Variants in MNAT1 observed in about 807,000 individuals in gnomAD.
MNAT1 encodes CDK-activating kinase assembly factor MAT1.
A neutral mutation model predicts 42.0 loss-of-function variants in MNAT1; 43 were observed. The ratio of observed to expected loss-of-function variants is 1.02; its 90% CI spans 0.80 to 1.32. The LOEUF (loss-of-function observed/expected upper bound fraction) is 1.32. Ranked by LOEUF, MNAT1 falls within the 40% of genes most tolerant of loss-of-function variation. The pLI is 0.00. For missense variants in MNAT1, 306 were observed against 350.4 expected (o/e 0.87, Z 1.01); for synonymous variants, 118 against 120.0 (o/e 0.98, Z 0.11).
At chr14:60,849,917 A>G (rs942294884) in intron 6 of MNAT1, among the ~76,000 whole-genome samples, 2 of 151,688 alleles carry the variant, frequency 1.3e-5, no homozygotes, top group African/African-American at 2.4e-5. Context: ...GCTCACTGCA[A>G]CCTCCCCATC....
chr14:60,802,058 G>T lies in MNAT1; in HGVS notation c.316+3898G>T, dbSNP rs534730856. On this transcript the variant is annotated intron_variant, in intron 3 of 7. Transcript: ENST00000261245. ...ATATGGCATGGTCTCACTTATATCT[G>T]GAATCTAAAAAAGTTGAACTTAGAG... 8.6e-4 allele frequency among the ~76,000 whole-genome samples: 131 copies of T among 152,244 alleles called. 1 individual carries two copies. The highest frequency in any genetic ancestry group is 3.1e-3 in the African/African-American group (127 of 41,548).
chr14:60,964,874 C>G (rs913272500), intron 7 of MNAT1, among the ~76,000 whole-genome samples: 14 of 152,108 alleles, frequency 9.2e-5, no homozygotes, highest in Admixed American at 3.3e-4. Context: ...TTCAATGTGG[C>G]AGATTCTTTA....
intron 3 of MNAT1, among the ~76,000 whole-genome samples, chr14:60,805,957 G>A (rs1396106246): frequency 2.6e-5 from 4 of 152,184 alleles, no homozygotes; most frequent in Non-Finnish European, 5.9e-5. Flanking sequence ...CTAGGAAGCT[G>A]TCTTCCAAAG....
Position 60,780,262 on chromosome 14 carries a change from G to A in MNAT1, c.90-15955G>A, listed in dbSNP as rs2031409643. ...TTATCTCAAATATTGAAAGTGGTGAGGTCCTGGAAAGATGACAGTTTGATA... is the reference window on the plus strand; with the variant it reads ...TTATCTCAAATATTGAAAGTGGTGAAGTCCTGGAAAGATGACAGTTTGATA... On this transcript the variant is annotated intron_variant, in intron 1 of 7. Transcript: ENST00000261245. 2.1e-6 allele frequency: 3 copies of A among 1,436,872 alleles called. No individual in the cohort carries two copies. In the African/African-American group the frequency reaches 4.2e-5, roughly 20 times the overall value. 89.0% of individuals were successfully genotyped at this position (1,436,872 alleles called of 1,614,324 possible).
At chr14:60,821,615 G>T (rs1226346632) in intron 6 of MNAT1, among the ~76,000 whole-genome samples, 2 of 152,146 alleles carry the variant, frequency 1.3e-5, no homozygotes, top group African/African-American at 4.8e-5. Flanking sequence ...GATCAAGTGT[G>T]ATTTTCATGA....
intron 7 of MNAT1, among the ~76,000 whole-genome samples, chr14:60,957,823 A>C (rs1404652663): frequency 6.6e-6 from 1 of 151,862 alleles, no homozygotes; most frequent in African/African-American, 2.4e-5. Flanking sequence ...TACCTTTGTC[A>C]GTGAGTTTTA....
At chr14:60,920,786 T>A (rs192792148) in intron 7 of MNAT1, among the ~76,000 whole-genome samples, 278 of 152,280 alleles carry the variant, frequency 1.8e-3, no homozygotes, top group African/African-American at 6.5e-3. Flanking sequence ...GATGACTTTA[T>A]TTTCATTAAG....
intron 6 of MNAT1, among the ~76,000 whole-genome samples, chr14:60,841,661 A>G (rs1455587918): frequency 6.6e-6 from 1 of 151,948 alleles, no homozygotes; most frequent in Non-Finnish European, 1.5e-5. Flanking sequence ...TGCGTTACAT[A>G]TTTCTGTCTT....
At chr14:60,814,362 A>T (rs148033473) in intron 5 of MNAT1, among the ~76,000 whole-genome samples, 2 of 152,204 alleles carry the variant, frequency 1.3e-5, no homozygotes, top group East Asian at 3.9e-4. Context: ...GATACTTATA[A>T]CCCTGTATGA....
At chr14:60,953,716 A>G (rs556705084) in intron 7 of MNAT1, among the ~76,000 whole-genome samples, 2 of 152,258 alleles carry the variant, frequency 1.3e-5, no homozygotes, top group Admixed American at 1.3e-4. Flanking sequence ...GTTTTCCATG[A>G]TGGCTTTACA....
chr14:60,772,074 G>C (rs755800434), intron 1 of MNAT1, among the ~76,000 whole-genome samples: 3 of 152,022 alleles, frequency 2.0e-5, no homozygotes, highest in Non-Finnish European at 4.4e-5. Flanking sequence ...CATTTTTAAG[G>C]GCTCTAAGAT....
intron 6 of MNAT1, among the ~76,000 whole-genome samples, chr14:60,841,842 A>T (rs1339932333): frequency 6.6e-6 from 1 of 152,258 alleles, no homozygotes; most frequent in Admixed American, 6.5e-5. Flanking sequence ...TTTCATGGTG[A>T]TACTATTCTG....
At chr14:60,828,631 T>C (rs2033127427) in intron 6 of MNAT1, among the ~76,000 whole-genome samples, 1 of 152,126 alleles carries the variant, frequency 6.6e-6, no homozygotes, top group South Asian at 2.1e-4. Context: ...AACCCAATTC[T>C]GACACTAACC....
rs58874872 is a variant in MNAT1 at position 60,866,307 on chromosome 14, C to CT, written c.688-13388dup. Among the ~76,000 whole-genome samples the CT allele has an allele frequency of 2.1e-3, 195 of 94,346 alleles. 1 individual carries two copies. In the East Asian group the frequency reaches 0.024, roughly 11 times the overall value. 61.9% of individuals were successfully genotyped at this position (94,346 alleles called of 152,430 possible). A position where few individuals can be genotyped will look rare whatever the true frequency, so the allele number is the denominator to read the frequency against. ...GGGATTTTTGAGGGGTTATTTTGAC[C>CT]TTTTTTTTTTTTTTTTTTTGCCTTA... On this transcript the variant is annotated intron_variant, in intron 6 of 7. Transcript: ENST00000261245.
At chr14:60,949,144 A>G (rs2036335489) in intron 7 of MNAT1, among the ~76,000 whole-genome samples, 1 of 152,138 alleles carries the variant, frequency 6.6e-6, no homozygotes, top group African/African-American at 2.4e-5. Flanking sequence ...TTTTTGTTCC[A>G]TAAAAAATTA....
intron 7 of MNAT1, among the ~76,000 whole-genome samples, chr14:60,908,121 A>G (rs1041277617): frequency 6.6e-6 from 1 of 152,166 alleles, no homozygotes; most frequent in South Asian, 2.1e-4. Flanking sequence ...AAAACAAATT[A>G]TAATGTGATA....
At chr14:60,888,400 C>CCCA (rs1346921049) in intron 7 of MNAT1, among the ~76,000 whole-genome samples, 3 of 152,068 alleles carry the variant, frequency 2.0e-5, no homozygotes, top group Non-Finnish European at 4.4e-5. Flanking sequence ...TTCAACAACG[C>CCCA]TTCATGCTAG....
intron 1 of MNAT1, among the ~76,000 whole-genome samples, chr14:60,754,341 CTTTTT>C (rs1302508545): frequency 7.9e-6 from 1 of 126,212 alleles, no homozygotes; most frequent in Admixed American, 7.9e-5. Context: ...GAAATTTCTT[CTTTTT>C]TTTTTTTTTT....
At chr14:60,743,229 T>G (rs1447509141) in intron 1 of MNAT1, among the ~76,000 whole-genome samples, 1 of 152,258 alleles carries the variant, frequency 6.6e-6, no homozygotes, top group African/African-American at 2.4e-5. Flanking sequence ...ATTGCCCTTC[T>G]TCCTTTGGAT....
Sources: gnomAD v4.1 joint callset for allele counts (sites outside exome capture counted in the v4.1 genomes callset) on GRCh38, gnomAD v4.1.1 for gene constraint, MANE v1.5 for transcripts, NCBI Gene and HGNC (gene_info 2026-07-23, HGNC 2026-07-21) for gene names.